The following TG variants were observed in gnomAD, a reference collection of about 807,000 sequenced individuals.
The protein encoded by TG is thyroid hormones.
In TG, 270 loss-of-function variants were observed where a neutral mutation model predicts 324.7. The ratio of observed to expected loss-of-function variants is 0.83; its 90% CI spans 0.75 to 0.92. The LOEUF (loss-of-function observed/expected upper bound fraction) is 0.92, where lower values mean the gene tolerates loss of function less well. Among genes scored for constraint, TG ranks in the 40% least tolerant of loss-of-function variants. The pLI is 0.00. For missense variants in TG, 3,591 were observed against 3,456.4 expected, an observed-to-expected ratio of 1.04 and a Z score of -0.98; for synonymous variants, 1,401 against 1,327.0, an observed-to-expected ratio of 1.06 and a Z score of -1.21.
At chr8:133,112,707 T>C (rs1017694704) in intron 43 of TG, among the ~76,000 whole-genome samples, 6 of 152,336 alleles carry the variant, frequency 3.9e-5, no homozygotes, top group Non-Finnish European at 2.9e-5. Context: ...ACTGCGTGCC[T>C]TTCCTGGCCA....
chr8:132,959,827 A>T (rs1173563483), intron 27 of TG, among the ~76,000 whole-genome samples: 3 of 152,194 alleles, frequency 2.0e-5, no homozygotes, highest in Non-Finnish European at 4.4e-5. Context: ...AAGCTTGTCC[A>T]GTCCACCTTT....
At chr8:132,956,380 T>C (rs1328419750) in intron 27 of TG, among the ~76,000 whole-genome samples, 1 of 152,168 alleles carries the variant, frequency 6.6e-6, no homozygotes, top group Non-Finnish European at 1.5e-5. Flanking sequence ...TCCAGGAATC[T>C]GGACAGTAAC....
intron 41 of TG, chr8:133,047,949 A>T (rs150698771): frequency 1.3e-6 from 2 of 1,532,528 alleles, no homozygotes; most frequent in Admixed American, 1.7e-5. Flanking sequence ...AAGGAGGAAG[A>T]CAGCCATTAG....
intron 27 of TG, among the ~76,000 whole-genome samples, chr8:132,960,690 G>A (rs1362301849): frequency 2.0e-5 from 3 of 152,060 alleles, no homozygotes; most frequent in East Asian, 1.9e-4. Context: ...CACAGCCCTC[G>A]AGTGTCCCAG....
chr8:133,019,553 G>T, intron 38 of TG, 49 bp from the exon 39 acceptor site: 1 of 1,509,378 alleles, frequency 6.6e-7, no homozygotes, highest in Non-Finnish European at 9.2e-7. Flanking sequence ...TGGGTGGGGA[G>T]GGGTGGTGAT....
chr8:132,924,709 A>T (rs542155371), intron 22 of TG, among the ~76,000 whole-genome samples: 1 of 152,276 alleles, frequency 6.6e-6, no homozygotes, highest in South Asian at 2.1e-4. Context: ...TGGTGCCTTT[A>T]CTGGCTGTGT....
intron 26 of TG, among the ~76,000 whole-genome samples, chr8:132,946,642 A>T (rs888526297): frequency 6.6e-6 from 1 of 152,008 alleles, no homozygotes; most frequent in African/African-American, 2.4e-5. Context: ...AGCCTCCTCC[A>T]ATCTCCACCC....
chr8:132,940,217 C>G (rs959160686), intron 25 of TG, among the ~76,000 whole-genome samples: 1 of 152,146 alleles, frequency 6.6e-6, no homozygotes, highest in Non-Finnish European at 1.5e-5. Context: ...GACGGGAGGT[C>G]AGAGTGGTGA....
At chr8:133,059,645 G>T (rs919249619) in intron 41 of TG, among the ~76,000 whole-genome samples, 7 of 152,110 alleles carry the variant, frequency 4.6e-5, no homozygotes, top group Admixed American at 2.6e-4. Context: ...GCCTAGCTTA[G>T]AAAAGTAACA....
intron 10 of TG, 25 bp downstream of exon 10, chr8:132,888,593 A>T (rs1815765406): frequency 6.4e-7 from 1 of 1,559,178 alleles, no homozygotes. Flanking sequence ...ATGAAGAGTT[A>T]AATGTGTGTG....
intron 41 of TG, among the ~76,000 whole-genome samples, chr8:133,034,107 GT>G (rs1361223107): frequency 6.6e-6 from 1 of 152,170 alleles, no homozygotes; most frequent in Non-Finnish European, 1.5e-5. Context: ...ATATTCATGA[GT>G]TTTGATGCTT....
At chr8:132,914,238 G>A (rs1199528667) in intron 20 of TG, among the ~76,000 whole-genome samples, 1 of 152,184 alleles carries the variant, frequency 6.6e-6, no homozygotes, top group Non-Finnish European at 1.5e-5. Flanking sequence ...ATCTTTGGGG[G>A]GACCTTTGTC....
At chr8:133,113,968 T>C (rs1233781708) in intron 44 of TG, among the ~76,000 whole-genome samples, 1 of 152,174 alleles carries the variant, frequency 6.6e-6, no homozygotes, top group Non-Finnish European at 1.5e-5. Context: ...CCTTCCACGC[T>C]CCTGGCCTTG....
At chr8:132,891,886 T>G (rs1467824447) in intron 10 of TG, among the ~76,000 whole-genome samples, 3 of 152,216 alleles carry the variant, frequency 2.0e-5, no homozygotes, top group Admixed American at 6.5e-5. Flanking sequence ...CACTGTTGAA[T>G]TCACAATGTG....
chr8:132,926,002 T>A (rs375210855), intron 22 of TG, among the ~76,000 whole-genome samples: 15 of 152,230 alleles, frequency 9.9e-5, no homozygotes, highest in African/African-American at 3.4e-4. Flanking sequence ...TTTGGCTTCT[T>A]ATGCAAAGCT....
chr8:132,916,577 C>T (rs1271960618), intron 20 of TG, among the ~76,000 whole-genome samples: 5 of 152,176 alleles, frequency 3.3e-5, no homozygotes, highest in African/African-American at 7.2e-5. Flanking sequence ...CAGGATGGCC[C>T]CCTTGGAGGG....
chr8:133,074,588 C>A (rs1396732041), intron 41 of TG, among the ~76,000 whole-genome samples: 1 of 152,204 alleles, frequency 6.6e-6, no homozygotes, highest in Non-Finnish European at 1.5e-5. Flanking sequence ...TAAGTACAAG[C>A]CTTTTTGGCG....
intron 20 of TG, among the ~76,000 whole-genome samples, chr8:132,915,654 C>A (rs2132413680): frequency 6.6e-6 from 1 of 152,302 alleles, no homozygotes; most frequent in South Asian, 2.1e-4. Flanking sequence ...ACATTGGGGG[C>A]CATATGGTCT....
At chr8:133,083,434 G>C (rs1055130250) in intron 41 of TG, among the ~76,000 whole-genome samples, 9 of 152,086 alleles carry the variant, frequency 5.9e-5, no homozygotes, top group African/African-American at 1.9e-4. Flanking sequence ...TTTTACATTA[G>C]GGGAAACTAA....
Sources: gnomAD v4.1 joint callset for allele counts (sites outside exome capture counted in the v4.1 genomes callset) on GRCh38, gnomAD v4.1.1 for gene constraint, MANE v1.5 for transcripts, NCBI Gene and HGNC (gene_info 2026-07-23, HGNC 2026-07-21) for gene names.